Variants in KCNN2 observed in about 807,000 individuals in gnomAD.
The protein encoded by KCNN2 is potassium calcium-activated channel subfamily N member 2.
In KCNN2, 24 loss-of-function variants were observed where a neutral mutation model predicts 55.5. The ratio of observed to expected loss-of-function variants is 0.43; its 90% CI spans 0.31 to 0.61. The LOEUF (loss-of-function observed/expected upper bound fraction) is 0.61, where lower values mean the gene tolerates loss of function less well. Among genes scored for constraint, KCNN2 ranks in the 20% least tolerant of loss-of-function variants. The pLI, the probability that KCNN2 is intolerant of heterozygous loss-of-function variation, is 0.08. For synonymous variants in KCNN2, 431 were observed against 336.1 expected (o/e 1.28, Z -3.09); for missense variants, 754 against 853.6 (o/e 0.88, Z 1.45).
chr5:114,158,453 T>A (rs1451943770), intron 1 of KCNN2, among the ~76,000 whole-genome samples: 1 of 152,096 alleles, frequency 6.6e-6, no homozygotes, highest in African/African-American at 2.4e-5. Context: ...TCCAGGTTTG[T>A]TCTTTTGGCT....
intron 3 of KCNN2, among the ~76,000 whole-genome samples, chr5:114,419,807 T>C (rs113764140): frequency 6.6e-6 from 1 of 152,124 alleles, no homozygotes; most frequent in African/African-American, 2.4e-5. Flanking sequence ...CTGGGCAACA[T>C]AGTGAGACTC....
chr5:114,182,056 A>G (rs1937552301), intron 1 of KCNN2, among the ~76,000 whole-genome samples: 1 of 152,122 alleles, frequency 6.6e-6, no homozygotes, highest in South Asian at 2.1e-4. Flanking sequence ...TGTGGGTTAG[A>G]TTTGATATTT....
chr5:114,058,083 C>G (rs752722687), intron 1 of KCNN2, among the ~76,000 whole-genome samples: 1 of 152,088 alleles, frequency 6.6e-6, no homozygotes, highest in East Asian at 1.9e-4. Context: ...TTTACATGTT[C>G]GACAGAAGAC....
chr5:114,099,313 C>G (rs1177594533), intron 1 of KCNN2, among the ~76,000 whole-genome samples: 1 of 152,064 alleles, frequency 6.6e-6, no homozygotes, highest in Non-Finnish European at 1.5e-5. Flanking sequence ...TAAAAAATCA[C>G]CAATTGCTAG....
At chr5:114,359,691 A>T (rs1757367238), upstream of KCNN2, among the ~76,000 whole-genome samples, 1 of 152,170 alleles carries the variant, frequency 6.6e-6, no homozygotes. Context: ...AATATTTATT[A>T]ATTTACCATA....
At chr5:114,287,223 C>G (rs1036997432) in intron 2 of KCNN2, among the ~76,000 whole-genome samples, 24 of 152,132 alleles carry the variant, frequency 1.6e-4, no homozygotes, top group Non-Finnish European at 2.6e-4. Flanking sequence ...ACAGAAATAC[C>G]ATTTGACCCA....
At chr5:114,144,988 G>T (rs1752368228) in intron 1 of KCNN2, among the ~76,000 whole-genome samples, 1 of 152,058 alleles carries the variant, frequency 6.6e-6, no homozygotes, top group Non-Finnish European at 1.5e-5. Flanking sequence ...AGTTTTTGAG[G>T]TGACAAGGTG....
At chr5:114,355,910 A>G (rs1289175420) in intron 2 of KCNN2, among the ~76,000 whole-genome samples, 2 of 152,160 alleles carry the variant, frequency 1.3e-5, no homozygotes, top group Non-Finnish European at 2.9e-5. Flanking sequence ...CTGCAGGCAT[A>G]TAGCACTGCT....
chr5:114,378,055 C>A (rs1757995363), intron 2 of KCNN2, among the ~76,000 whole-genome samples: 1 of 152,116 alleles, frequency 6.6e-6, no homozygotes, highest in South Asian at 2.1e-4. Flanking sequence ...GCTGAAAGTT[C>A]TCGTAAGAGG....
At chr5:114,152,651 T>C (rs1319598747) in intron 1 of KCNN2, among the ~76,000 whole-genome samples, 1 of 152,146 alleles carries the variant, frequency 6.6e-6, no homozygotes, top group East Asian at 1.9e-4. Context: ...TCTACCCTGA[T>C]AGAGAACACA....
chr5:114,293,959 G>T (rs1242171335), intron 2 of KCNN2, among the ~76,000 whole-genome samples: 2 of 152,184 alleles, frequency 1.3e-5, no homozygotes, highest in Non-Finnish European at 2.9e-5. Flanking sequence ...ATTTCTTCTA[G>T]ATTTTCTAGT....
At chr5:114,242,297 TG>T (rs10716520) in intron 2 of KCNN2, among the ~76,000 whole-genome samples, 59,908 of 151,804 alleles carry the variant, frequency 0.39, 12,321 homozygotes, top group Middle Eastern at 0.53. Context: ...CATGGAGAGT[TG>T]TCTTCAACAA....
At chr5:114,412,742 T>C (rs181016060) in intron 3 of KCNN2, among the ~76,000 whole-genome samples, 26 of 152,340 alleles carry the variant, frequency 1.7e-4, no homozygotes, top group Admixed American at 1.2e-3. Context: ...TAGAGGTGCC[T>C]ATTTCCTGAT....
intron 1 of KCNN2, among the ~76,000 whole-genome samples, chr5:114,106,544 TG>T (rs1580519000): frequency 6.6e-6 from 1 of 152,032 alleles, no homozygotes; most frequent in African/African-American, 2.4e-5. Flanking sequence ...TATTCTTGTT[TG>T]TTTTTTTTAA....
chr5:114,141,869 C>G (rs1446163632), intron 1 of KCNN2, among the ~76,000 whole-genome samples: 10 of 152,174 alleles, frequency 6.6e-5, no homozygotes, highest in South Asian at 6.2e-4. Flanking sequence ...ATTTGCATTT[C>G]TCTGATGGCC....
intron 2 of KCNN2, among the ~76,000 whole-genome samples, chr5:114,368,988 G>A (rs1757686111): frequency 6.6e-6 from 1 of 152,000 alleles, no homozygotes; most frequent in African/African-American, 2.4e-5. Flanking sequence ...GCTGTTACAA[G>A]TAATATTAAA....
rs554409278 is a variant in KCNN2, at chr5:114,493,261, A to G, written c.2019-142A>G. The G allele has an allele frequency of 5.0e-5, 36 of 724,112 alleles. No homozygotes were observed. The East Asian group carries it at 8.6e-4, about 17-fold the overall frequency. The allele number at this position is 724,112 out of a possible 1,614,324, so 44.9% of individuals were successfully genotyped here. ...ATGCTTCTCATTGTACCAGACACAT[A>G]ACCAGTTTGGACTTACCCCAAATGT... is the stretch of plus-strand genomic sequence containing the variant. On this transcript the variant is annotated intron_variant, in intron 6 of 7. Transcript: ENST00000673685.
intron 3 of KCNN2, among the ~76,000 whole-genome samples, chr5:114,448,780 G>C (rs1760523339): frequency 6.6e-6 from 1 of 152,160 alleles, no homozygotes; most frequent in Non-Finnish European, 1.5e-5. Context: ...GTCATTGTTT[G>C]TTCTACGTAG....
chr5:114,170,224 A>G (rs909514357), intron 1 of KCNN2, among the ~76,000 whole-genome samples: 2 of 152,096 alleles, frequency 1.3e-5, no homozygotes, highest in Non-Finnish European at 2.9e-5. Flanking sequence ...TCTTCATTAC[A>G]TAATTAACTT....
Sources: gnomAD v4.1 joint callset for allele counts (sites outside exome capture counted in the v4.1 genomes callset) on GRCh38, gnomAD v4.1.1 for gene constraint, MANE v1.5 for transcripts, NCBI Gene and HGNC (gene_info 2026-07-23, HGNC 2026-07-21) for gene names.